Variants in NUP205 observed in about 807,000 individuals in gnomAD.
NUP205 encodes the protein nuclear pore complex protein Nup205.
Under a neutral mutation model 253.8 loss-of-function variants are expected in NUP205, and 76 were observed. The observed-to-expected ratio is 0.30, with a 90% CI of 0.25 to 0.36. NUP205 has a LOEUF of 0.36. Among genes scored for constraint, NUP205 ranks in the 10% least tolerant of loss-of-function variants. NUP205 has a pLI of 1.00. For synonymous variants in NUP205, 832 were observed against 850.1 expected, an observed-to-expected ratio of 0.98 and a Z score of 0.37; for missense variants, 2,162 against 2,425.5, an observed-to-expected ratio of 0.89 and a Z score of 2.28.
Position 135,602,771 on chromosome 7 carries a change from T to A in NUP205, c.2513-34T>A, listed in dbSNP as rs1273327932. ...ATTGACTGTGAGTTTTTAAGATAAA[T>A]TTAGAACTTTCTAACTTTATTTTTG... On this transcript the variant is annotated intron_variant, in intron 17 of 42. Coordinates refer to ENST00000285968, the MANE Select transcript of NUP205 (RefSeq NM_015135.3). The A allele has an allele frequency of 2.6e-6, 4 of 1,523,778 alleles. No homozygotes were observed. The African/African-American group carries it at 5.6e-5, about 21-fold the overall frequency. The allele number at this position is 1,523,778 out of a possible 1,614,324, so 94.4% of individuals were successfully genotyped here.
In NUP205 at chr7:135,578,811, G is replaced by A. The variant is rs545639998; in HGVS notation, c.938G>A (p.Arg313His). 48 of 1,610,578 alleles carry A rather than the reference G, an allele frequency of 3.0e-5. No individual in the cohort carries two copies. In the East Asian group the frequency reaches 8.5e-4, roughly 29 times the overall value. ...EKQYIATIHS[R>H]LQDSQLWKLP... ...CAGTACATTGCAACAATTCACTCTC[G>A]TCTTCAGGACTCACAGCTTTGGAAA... is the stretch of plus-strand genomic sequence containing the variant. The change falls in exon 7 of 43, where the codon CGT becomes CAT. Residue 313 changes from arginine to histidine, a missense_variant. By Grantham distance (29) the Arg-to-His change is conservative. Transcript: ENST00000285968.
At chr7:135,567,148 A>C (rs1378408361) in intron 1 of NUP205, among the ~76,000 whole-genome samples, 3,881 of 80,058 alleles carry the variant, frequency 0.048, 619 homozygotes, top group South Asian at 0.14. Flanking sequence ...ATATATATAT[A>C]TATATATATA....
chr7:135,584,775 T>C (rs1806409317), intron 7 of NUP205, 57 bp from the exon 8 acceptor site: 1 of 1,458,782 alleles, frequency 6.9e-7, no homozygotes, highest in Admixed American at 1.7e-5. Context: ...GAGATATAAT[T>C]ACAATCTGGG....
chr7:135,590,731 C>T (rs1456877681), intron 10 of NUP205, among the ~76,000 whole-genome samples: 1 of 151,892 alleles, frequency 6.6e-6, no homozygotes, highest in African/African-American at 2.4e-5. Context: ...CGGGGTTTCA[C>T]CATGTTGGCC....
chr7:135,563,150 T>A lies in NUP205; in HGVS notation c.28+5178T>A, dbSNP rs187428105. Among the ~76,000 whole-genome samples, 326 of 152,228 alleles carry A rather than the reference T, an allele frequency of 2.1e-3. 2 individuals carry two copies. Among genetic ancestry groups the A allele is most frequent in the African/African-American group, 7.5e-3 (311 of 41,552 alleles). The stretch of plus-strand genomic sequence containing the variant: ...CCTGGCTACCTCTCCTTCATATCCT[T>A]CATATCCTGACCACAGTTGGATTTT... On this transcript the variant is annotated intron_variant, in intron 1 of 42. Coordinates refer to ENST00000285968, the MANE Select transcript of NUP205 (RefSeq NM_015135.3).
rs768872321 is a variant in NUP205, at chr7:135,597,992, T to C, written c.2065-6T>C. The C allele has an allele frequency of 5.4e-5, 87 of 1,612,008 alleles. No homozygotes were observed. Among genetic ancestry groups the C allele is most frequent in the Non-Finnish European group, 6.5e-5 (77 of 1,178,820 alleles). On this transcript the variant is annotated splice_region_variant and splice_polypyrimidine_tract_variant and intron_variant, in intron 14 of 42. Transcript: ENST00000285968. ...TTACCAAGTTTTCTTTCTTTTTCTT[T>C]GGAAGGTTGAACTAAATGAAATAGA...
Position 135,645,000 on chromosome 7 carries a change from C to T in NUP205, c.5665C>T (p.Leu1889=), listed in dbSNP as rs1331278374. 6.2e-7 allele frequency: 1 copy of T among 1,614,106 alleles called. No individual in the cohort carries two copies. The highest frequency in any genetic ancestry group is 8.5e-7 in the Non-Finnish European group (1 of 1,179,990). Residue 1889 remains leucine, a synonymous_variant, in exon 40 of 43, where the codon CTG becomes TTG. Transcript: ENST00000285968. ...LVKVINNRAK[L]LSLCSFIIET... is the part of the protein sequence containing the mutation. ...GAAGGTGATCAACAATCGAGCTAAA[C>T]TGCTTTCCCTTTGTTCTTGTATCCT... is the stretch of plus-strand genomic sequence containing the variant.
chr7:135,621,191 A>G (rs900020577), intron 30 of NUP205, among the ~76,000 whole-genome samples: 1 of 152,246 alleles, frequency 6.6e-6, no homozygotes, highest in East Asian at 1.9e-4. Flanking sequence ...ATAGTACCCT[A>G]TAAGGTAGTA....
intron 7 of NUP205, among the ~76,000 whole-genome samples, chr7:135,582,920 C>G (rs1198616941): frequency 6.6e-6 from 1 of 152,064 alleles, no homozygotes; most frequent in African/African-American, 2.4e-5. Flanking sequence ...GAGACCCCAT[C>G]TCTACTAAAA....
intron 28 of NUP205, 36 bp downstream of exon 28, chr7:135,618,639 C>G (rs368388483): frequency 6.8e-7 from 1 of 1,463,420 alleles, no homozygotes; most frequent in East Asian, 2.3e-5. Context: ...TACTGCTGAA[C>G]GAATGTATCA....
chr7:135,598,123 T>A lies in NUP205; in HGVS notation c.2190T>A (p.Pro730=). 3 of 1,614,166 alleles carry A rather than the reference T, an allele frequency of 1.9e-6. No homozygotes were observed. The highest frequency in any genetic ancestry group is 1.7e-6 in the Non-Finnish European group (2 of 1,180,010). Residue 730 remains proline (P), a synonymous_variant, in exon 15 of 43, where the codon CCT becomes CCA. Coordinates refer to ENST00000285968, the MANE Select transcript of NUP205 (RefSeq NM_015135.3). ...PSNLGAGLRP[P]GFDPYLQFLR... The stretch of plus-strand genomic sequence containing the variant: ...ATTTGGGTGCTGGACTGCGGCCCCC[T>A]GGCTTTGACCCTTATTTGCAGTTCC...
intron 1 of NUP205, among the ~76,000 whole-genome samples, chr7:135,562,469 G>T (rs763789812): frequency 6.6e-6 from 1 of 150,712 alleles, no homozygotes; most frequent in African/African-American, 2.4e-5. Flanking sequence ...AAGTGCTGGG[G>T]TTATAGGCAT....
chr7:135,573,653 G>A lies in NUP205; in HGVS notation c.172-1G>A. 3 of 1,604,704 alleles carry A rather than the reference G, an allele frequency of 1.9e-6. No individual in the cohort carries two copies. Among genetic ancestry groups the A allele is most frequent in the Non-Finnish European group, 2.5e-6 (3 of 1,177,224 alleles). On this transcript the variant is annotated splice_acceptor_variant, in intron 2 of 42. Transcript: ENST00000285968. LOFTEE classifies it high-confidence loss of function. ...TAACAATTACAATTTTATCATTGTA[G>A]CCAAAAAATGTTCAACAGCATGAGA...
intron 9 of NUP205, 69 bp from the exon 10 acceptor site, chr7:135,587,786 C>CT: frequency 1.3e-6 from 2 of 1,533,960 alleles, no homozygotes; most frequent in East Asian, 2.3e-5. Flanking sequence ...CTTTAAATGT[C>CT]CTTTTTTTTA....
rs151283740 is a variant in NUP205, at chr7:135,617,231, C to T, written c.3674C>T (p.Thr1225Ile). 372 of 1,613,672 alleles carry T rather than the reference C, an allele frequency of 2.3e-4. 6 individuals carry two copies. In the South Asian group the frequency reaches 2.5e-3, roughly 11 times the overall value. Residue 1225 changes from threonine (T) to isoleucine (I), a missense_variant, in exon 26 of 43, where the codon ACA (threonine) becomes ATA (isoleucine). Coordinates refer to ENST00000285968, the MANE Select transcript of NUP205 (RefSeq NM_015135.3). ...GAACACAAGAATTTACGGGGACAGACAGTCTGCAATGTCAAGGTGAGGATT... is the reference window on the plus strand; with the variant it reads ...GAACACAAGAATTTACGGGGACAGATAGTCTGCAATGTCAAGGTGAGGATT... ...NCEHKNLRGQ[T>I]VCNVKLLHRV...
intron 18 of NUP205, 118 bp downstream of exon 18, chr7:135,603,112 C>CTTTT (rs11300648): frequency 2.1e-5 from 7 of 332,768 alleles, no homozygotes; most frequent in African/African-American, 7.8e-5. Context: ...CCTCATTTTA[C>CTTTT]TTTTTTTTTT....
chr7:135,641,459 T>C (rs1343513415), intron 38 of NUP205, among the ~76,000 whole-genome samples: 1 of 152,218 alleles, frequency 6.6e-6, no homozygotes. Context: ...CTTCTGTCTC[T>C]TCCCCTCTGT....
chr7:135,628,315 A>G (rs377078880), intron 34 of NUP205, among the ~76,000 whole-genome samples: 1 of 152,132 alleles, frequency 6.6e-6, no homozygotes, highest in Admixed American at 6.6e-5. Context: ...GAAACACTGT[A>G]GCTAATTAAT....
intron 35 of NUP205, among the ~76,000 whole-genome samples, chr7:135,631,446 T>A (rs983749447): frequency 2.6e-5 from 4 of 152,214 alleles, no homozygotes; most frequent in Non-Finnish European, 1.5e-5. Context: ...TCCCCCCTTA[T>A]AATTTCTTTA....
Sources: gnomAD v4.1 joint callset for allele counts (sites outside exome capture counted in the v4.1 genomes callset) on GRCh38, gnomAD v4.1.1 for gene constraint, MANE v1.5 for transcripts, NCBI Gene and HGNC (gene_info 2026-07-23, HGNC 2026-07-21) for gene names.